KIAA1328: variants seen among roughly 807,000 people sequenced by gnomAD.
KIAA1328 encodes the protein protein hinderin.
In KIAA1328, 52 loss-of-function variants were observed where a neutral mutation model predicts 68.1. The ratio of observed to expected loss-of-function variants is 0.76; its 90% confidence interval spans 0.61 to 0.96. The LOEUF (loss-of-function observed/expected upper bound fraction) is 0.96, where lower values mean the gene tolerates loss of function less well. KIAA1328 is among the 40% of genes least tolerant of loss of function. The pLI, the probability that KIAA1328 is intolerant of heterozygous loss-of-function variation, is 0.00. For missense variants in KIAA1328, 641 were observed against 677.6 expected, an observed-to-expected ratio of 0.95 and a Z score of 0.60; for synonymous variants, 232 against 239.4, an observed-to-expected ratio of 0.97 and a Z score of 0.28.
chr18:37,137,682 C>T (rs2058674921), intron 7 of KIAA1328, among the ~76,000 whole-genome samples: 1 of 152,118 alleles, frequency 6.6e-6, no homozygotes, highest in African/African-American at 2.4e-5. Flanking sequence ...GAGATTATTT[C>T]TCTGTTGGAT....
At chr18:36,883,075 A>G (rs561602940) in intron 4 of KIAA1328, among the ~76,000 whole-genome samples, 1 of 152,324 alleles carries the variant, frequency 6.6e-6, no homozygotes, top group East Asian at 1.9e-4. Flanking sequence ...ATGAAAATAA[A>G]TGTTTCCATA....
intron 5 of KIAA1328, among the ~76,000 whole-genome samples, chr18:36,944,432 A>G (rs2050823868): frequency 6.6e-6 from 1 of 152,116 alleles, no homozygotes; most frequent in Non-Finnish European, 1.5e-5. Context: ...CAAAAATATT[A>G]GCCAGGCATG....
At chr18:36,989,154 A>G (rs1254265695) in intron 6 of KIAA1328, among the ~76,000 whole-genome samples, 2 of 152,280 alleles carry the variant, frequency 1.3e-5, no homozygotes, top group Middle Eastern at 3.4e-3. Flanking sequence ...TACTTTGTCA[A>G]TTAAGAGATT....
chr18:36,988,951 G>T (rs1345878142), intron 6 of KIAA1328, among the ~76,000 whole-genome samples: 1 of 152,132 alleles, frequency 6.6e-6, no homozygotes, highest in African/African-American at 2.4e-5. Flanking sequence ...GTTAATAAAT[G>T]TAAAAAGAAC....
intron 9 of KIAA1328, among the ~76,000 whole-genome samples, chr18:37,190,820 C>G (rs2059891257): frequency 2.0e-5 from 3 of 152,212 alleles, no homozygotes; most frequent in South Asian, 2.1e-4. Context: ...AGACCCTGGC[C>G]TCCCCATCGA....
intron 3 of KIAA1328, among the ~76,000 whole-genome samples, chr18:36,838,687 A>AT (rs2046759056): frequency 6.7e-6 from 1 of 149,912 alleles, no homozygotes; most frequent in African/African-American, 2.4e-5. Context: ...TGCTTTTAAG[A>AT]TTTTCTTCTT....
chr18:37,087,235 T>C (rs888193903), intron 7 of KIAA1328, among the ~76,000 whole-genome samples: 1 of 87,566 alleles, frequency 1.1e-5, no homozygotes, highest in Non-Finnish European at 2.0e-5. Flanking sequence ...ATTTTTTGTA[T>C]TTTTTTTAGA....
chr18:37,117,350 G>A (rs748701071), intron 7 of KIAA1328, among the ~76,000 whole-genome samples: 16 of 152,172 alleles, frequency 1.1e-4, no homozygotes, highest in Non-Finnish European at 2.4e-4. Flanking sequence ...GTGGGACATG[G>A]ATGAAGCTAG....
At chr18:37,115,867 A>G (rs1161354665) in intron 7 of KIAA1328, among the ~76,000 whole-genome samples, 2 of 152,200 alleles carry the variant, frequency 1.3e-5, no homozygotes, top group Non-Finnish European at 1.5e-5. Context: ...CTATACAGCA[A>G]TAACAGACAA....
rs1187730025 is a variant in KIAA1328 at position 37,222,202 on chromosome 18, T to C, written c.1709T>C (p.Ile570Thr). The change falls in exon 10 of 10, where the codon ATT (isoleucine) becomes ACT (threonine). Residue 570 changes from isoleucine to threonine, a missense_variant. Transcript: ENST00000280020. ...RTPEELEENQ[I>T]LEDIFFI is the part of the protein sequence containing the mutation. ...CCTGAAGAGTTGGAGGAGAATCAGA[T>C]TCTGGAAGATATATTTTTCATTTGA... is the stretch of plus-strand genomic sequence containing the variant. 6.3e-7 allele frequency: 1 copy of C among 1,575,678 alleles called. No homozygotes were observed. Among genetic ancestry groups the C allele is most frequent in the South Asian group, 1.2e-5 (1 of 86,026 alleles).
intron 4 of KIAA1328, among the ~76,000 whole-genome samples, chr18:36,873,106 T>G (rs2048002134): frequency 6.6e-6 from 1 of 152,172 alleles, no homozygotes; most frequent in African/African-American, 2.4e-5. Context: ...TTTTAGCATG[T>G]TTTTCGCTAT....
At chr18:36,927,388 G>A (rs1466343998) in intron 5 of KIAA1328, among the ~76,000 whole-genome samples, 1 of 152,156 alleles carries the variant, frequency 6.6e-6, no homozygotes, top group Admixed American at 6.5e-5. Context: ...CTTAGAGAAT[G>A]AGCAGGAACA....
intron 5 of KIAA1328, chr18:36,921,165 A>G (rs1165821178): frequency 6.6e-6 from 1 of 151,550 alleles, no homozygotes; most frequent in African/African-American, 2.4e-5. Context: ...CATGAGGACA[A>G]TTCTTGTCCC....
At chr18:36,978,511 G>A (rs545147496) in intron 6 of KIAA1328, among the ~76,000 whole-genome samples, 1 of 152,350 alleles carries the variant, frequency 6.6e-6, no homozygotes, top group Admixed American at 6.5e-5. Context: ...GCCAGCTATG[G>A]TAACTCTTCT....
chr18:37,010,005 A>G (rs531153866), intron 6 of KIAA1328, among the ~76,000 whole-genome samples: 8 of 152,232 alleles, frequency 5.3e-5, no homozygotes, highest in Admixed American at 6.5e-5. Context: ...CTTAGGCATT[A>G]GAAACACTAA....
intron 5 of KIAA1328, among the ~76,000 whole-genome samples, chr18:36,929,432 G>A (rs2050234696): frequency 6.6e-6 from 1 of 151,232 alleles, no homozygotes; most frequent in Non-Finnish European, 1.5e-5. Flanking sequence ...ATTGTTAATT[G>A]TAGTTGCCTT....
At chr18:36,849,352 C>T (rs1749386621) in intron 4 of KIAA1328, among the ~76,000 whole-genome samples, 1 of 151,986 alleles carries the variant, frequency 6.6e-6, no homozygotes, top group African/African-American at 2.4e-5. Flanking sequence ...ATACAACCAT[C>T]ACCATTTTCT....
chr18:37,144,006 CT>C (rs2058839837), intron 7 of KIAA1328, among the ~76,000 whole-genome samples: 1 of 151,980 alleles, frequency 6.6e-6, no homozygotes, highest in Non-Finnish European at 1.5e-5. Flanking sequence ...GGCAGTATTT[CT>C]TTCTTATATG....
At chr18:37,043,933 T>TG (rs2055361710) in intron 6 of KIAA1328, among the ~76,000 whole-genome samples, 1 of 152,190 alleles carries the variant, frequency 6.6e-6, no homozygotes, top group Non-Finnish European at 1.5e-5. Context: ...TAAGGTAACT[T>TG]AAGTATTTCT....
Sources: gnomAD v4.1 joint callset for allele counts (sites outside exome capture counted in the v4.1 genomes callset) on GRCh38, gnomAD v4.1.1 for gene constraint, MANE v1.5 for transcripts, NCBI Gene and HGNC (gene_info 2026-07-23, HGNC 2026-07-21) for gene names.